The following GPR161 variants were observed in gnomAD, a reference collection of about 807,000 sequenced individuals.
GPR161 encodes G protein-coupled receptor 161.
GPR161 carries 25 observed loss-of-function variants against 39.2 expected under a neutral mutation model. The observed-to-expected ratio is 0.64, with a 90% confidence interval of 0.47 to 0.89. The LOEUF (loss-of-function observed/expected upper bound fraction) is 0.89. Ranked by LOEUF, GPR161 falls within the 40% of genes least tolerant of loss-of-function variation. The probability of loss-of-function intolerance (pLI) is 0.00; values close to 1 mark genes in which losing one functional copy is unlikely to be tolerated. For synonymous variants in GPR161, 286 were observed against 276.6 expected, an observed-to-expected ratio of 1.03 and a Z score of -0.34; for missense variants, 547 against 677.8, an observed-to-expected ratio of 0.81 and a Z score of 2.14.
At chr1:168,115,921 GC>G (rs1459079393) in intron 1 of GPR161, among the ~76,000 whole-genome samples, 1 of 151,936 alleles carries the variant, frequency 6.6e-6, no homozygotes, top group African/African-American at 2.4e-5. Flanking sequence ...GACTACAGGC[GC>G]CCGCCACCAC....
Position 168,082,809 on chromosome 1 carries a change from C to T in GPR161, c.*2722G>A, listed in dbSNP as rs948264956. 3.3e-5 allele frequency: 5 copies of T among 152,228 alleles called. No homozygotes were observed. The East Asian group carries it at 5.8e-4, about 18-fold the overall frequency. The allele number at this position is 152,228 out of a possible 1,614,324, so 9.4% of individuals were successfully genotyped here. A position where few individuals can be genotyped will look rare whatever the true frequency, so the allele number is the denominator to read the frequency against. On this transcript the variant is annotated 3_prime_UTR_variant, in exon 6 of 6. Coordinates refer to ENST00000682931, the MANE Select transcript of GPR161 (RefSeq NM_001375883.1). Reference sequence around the variant, plus strand: ...GGTTTAGTGGGGGCACTTGGGGTTTCGACCTTCTGCACTAACGGCAGATAT... The same window carrying T: ...GGTTTAGTGGGGGCACTTGGGGTTTTGACCTTCTGCACTAACGGCAGATAT...
Position 168,087,639 on chromosome 1 carries a change from G to C in GPR161, c.1270C>G (p.Pro424Ala), listed in dbSNP as rs963464441. 2 of 1,614,004 alleles carry C rather than the reference G, an allele frequency of 1.2e-6. No individual in the cohort carries two copies. Among genetic ancestry groups the C allele is most frequent in the East Asian group, 4.5e-5 (2 of 44,888 alleles). The change falls in exon 5 of 6, where the codon CCA becomes GCA. Residue 424 changes from proline to alanine, a missense_variant. Physicochemically the swap from Pro to Ala is conservative, Grantham distance 27. Coordinates refer to ENST00000682931, the MANE Select transcript of GPR161 (RefSeq NM_001375883.1). ...GTCACCGAGCTCCTTCTCTTGGGTGGGCAAGTGCAGTGAGAGGGAGGGTTG... is the reference window on the plus strand; with the variant it reads ...GTCACCGAGCTCCTTCTCTTGGGTGCGCAAGTGCAGTGAGAGGGAGGGTTG... The part of the protein sequence containing the change: ...DDNPPSHCTC[P>A]PKRRSSVTFE...
chr1:168,123,173 T>C (rs1698315217), intron 1 of GPR161, among the ~76,000 whole-genome samples: 1 of 152,196 alleles, frequency 6.6e-6, no homozygotes, highest in African/African-American at 2.4e-5. Context: ...GGTCCAGGAA[T>C]GGTGACTCAT....
At chr1:168,111,363 C>G (rs916104066) in intron 1 of GPR161, among the ~76,000 whole-genome samples, 1 of 152,206 alleles carries the variant, frequency 6.6e-6, no homozygotes, top group Non-Finnish European at 1.5e-5. Context: ...ACTATGTTCC[C>G]TTTCTTCTTG....
In GPR161 at chr1:168,136,325, G is replaced by A. The variant is rs555099689; in HGVS notation, c.-45+414C>T. Reference sequence around the variant, plus strand: ...CCACACCCTTTGCCCTGAGCGGGACGTGGAGTCTCTTGGCCCCAGGGGGCG... The same window carrying A: ...CCACACCCTTTGCCCTGAGCGGGACATGGAGTCTCTTGGCCCCAGGGGGCG... On this transcript the variant is annotated intron_variant, in intron 1 of 5. Coordinates refer to ENST00000682931, the MANE Select transcript of GPR161 (RefSeq NM_001375883.1). 1.0e-4 allele frequency: 152 copies of A among 1,485,204 alleles called. No homozygotes were observed. In the African/African-American group the frequency reaches 1.8e-3, roughly 18 times the overall value. The allele number at this position is 1,485,204 out of a possible 1,614,324, so 92.0% of individuals were successfully genotyped here.
intron 1 of GPR161, chr1:168,135,121 T>C: frequency 2.8e-6 from 4 of 1,418,598 alleles, no homozygotes; most frequent in Non-Finnish European, 1.9e-6. Context: ...ATGAGGGGTC[T>C]CTATTCTTGA....
At position 168,098,755 on chromosome 1, in the gene GPR161, A is replaced by C. The variant is rs1046307381; in HGVS notation, c.375-1523T>G. ...GGCCTGAGGAGAAGATTGCGCAGTG[A>C]TTAGGGTGTCTATTACAGAATCACT... On this transcript the variant is annotated intron_variant, in intron 2 of 5. Transcript: ENST00000682931. The surrounding 1 kb of genome is among the most constrained non-coding windows in gnomAD (Gnocchi z 4.1). Among the ~76,000 whole-genome samples the C allele has an allele frequency of 2.6e-5, 4 of 152,226 alleles. No individual in the cohort carries two copies. Among genetic ancestry groups the C allele is most frequent in the African/African-American group, 9.6e-5 (4 of 41,462 alleles).
At position 168,110,408 on chromosome 1, in the gene GPR161, A is replaced by C. The variant is rs111404065; in HGVS notation, c.-44-5514T>G. 8.0e-3 allele frequency among the ~76,000 whole-genome samples: 1,211 copies of C among 151,706 alleles called. 14 individuals are homozygous for C. Among genetic ancestry groups the C allele is most frequent in the African/African-American group, 0.028 (1,159 of 41,320 alleles). On this transcript the variant is annotated intron_variant, in intron 1 of 5. Coordinates refer to ENST00000682931, the MANE Select transcript of GPR161 (RefSeq NM_001375883.1). ...CTACTTGGGAGGCTGAGGTTGGAGA[A>C]TAATCACCAGAGCCCAGGAGGTTGA...
At chr1:168,089,503 A>C (rs1449027916) in intron 4 of GPR161, 2 of 152,000 alleles carry the variant, frequency 1.3e-5, no homozygotes, top group Non-Finnish European at 2.9e-5. Flanking sequence ...GCCCTGGAGC[A>C]CTCATGGGGA....
intron 1 of GPR161, among the ~76,000 whole-genome samples, chr1:168,135,837 T>C (rs1699312923): frequency 6.6e-6 from 1 of 152,190 alleles, no homozygotes; most frequent in Admixed American, 6.5e-5. Context: ...CCTCACGGCT[T>C]CACCGGGAGG....
chr1:168,128,545 A>G (rs1698757661), intron 1 of GPR161, among the ~76,000 whole-genome samples: 1 of 152,242 alleles, frequency 6.6e-6, no homozygotes, highest in African/African-American at 2.4e-5. Context: ...TTTTTACTGT[A>G]TGTACTTAAT....
intron 2 of GPR161, among the ~76,000 whole-genome samples, chr1:168,099,145 ACCC>A (rs1451810435): frequency 6.6e-6 from 1 of 151,442 alleles, no homozygotes; most frequent in Non-Finnish European, 1.5e-5. Context: ...TTCTGCGATG[ACCC>A]CCAGGGGACA....
At chr1:168,120,411 C>G in intron 1 of GPR161, among the ~76,000 whole-genome samples, 1 of 152,188 alleles carries the variant, frequency 6.6e-6, no homozygotes, top group East Asian at 1.9e-4. Flanking sequence ...AAGTAACTAA[C>G]TTGCTTTTGA....
At chr1:168,103,630 G>A (rs534579316) in intron 2 of GPR161, among the ~76,000 whole-genome samples, 2 of 152,262 alleles carry the variant, frequency 1.3e-5, no homozygotes, top group East Asian at 3.9e-4. Context: ...GTGTCACCCA[G>A]TGACAATATC....
At chr1:168,123,537 TACACAC>T (rs10534836) in intron 1 of GPR161, among the ~76,000 whole-genome samples, 10,169 of 138,146 alleles carry the variant, frequency 0.074, 397 homozygotes, top group Non-Finnish European at 0.099. Context: ...TGCACATACA[TACACAC>T]ACACACACAC....
At chr1:168,103,919 C>G (rs1423105984) in intron 2 of GPR161, among the ~76,000 whole-genome samples, 1 of 152,252 alleles carries the variant, frequency 6.6e-6, no homozygotes, top group Non-Finnish European at 1.5e-5. Context: ...TCAGCTGCGC[C>G]TGACCTCCCC....
chr1:168,086,452 C>T (rs1694501908), intron 5 of GPR161, among the ~76,000 whole-genome samples: 1 of 152,206 alleles, frequency 6.6e-6, no homozygotes, highest in South Asian at 2.1e-4. Context: ...AATTTATCCT[C>T]TCCTCCTTAC....
At chr1:168,135,005 T>C in intron 1 of GPR161, 1 of 1,534,482 alleles carries the variant, frequency 6.5e-7, no homozygotes, top group African/African-American at 1.4e-5. Context: ...ACAGTGCTCC[T>C]TCACCTCTCA....
At chr1:168,105,496 G>A (rs1330494438) in intron 1 of GPR161, among the ~76,000 whole-genome samples, 1 of 152,188 alleles carries the variant, frequency 6.6e-6, no homozygotes, top group African/African-American at 2.4e-5. Context: ...GTCAGTTTTG[G>A]TGCACATTAC....
Sources: allele counts gnomAD v4.1 joint callset (sites outside exome capture counted in the v4.1 genomes callset), GRCh38; gene constraint gnomAD v4.1.1; non-coding constraint Gnocchi (gnomAD v3.1); transcripts MANE v1.5; gene names NCBI Gene and HGNC (gene_info 2026-07-23, HGNC 2026-07-21).